Variants in SLCO1C1 observed in about 807,000 individuals in gnomAD.
The protein encoded by SLCO1C1 is OAT-RP-5.
A neutral mutation model predicts 76.4 loss-of-function variants in SLCO1C1; 70 were observed. That is an observed-to-expected ratio of 0.92 (90% CI 0.76 to 1.12). The LOEUF (loss-of-function observed/expected upper bound fraction) is 1.12, where lower values mean the gene tolerates loss of function less well. Among genes scored for constraint, SLCO1C1 ranks in the 50% most tolerant of loss-of-function variants. SLCO1C1 has a pLI of 0.00. For missense variants in SLCO1C1, 912 were observed against 823.8 expected, an observed-to-expected ratio of 1.11 and a Z score of -1.31; for synonymous variants, 306 against 286.1, an observed-to-expected ratio of 1.07 and a Z score of -0.70.
At chr12:20,704,664 C>A (rs182583833) in intron 3 of SLCO1C1, among the ~76,000 whole-genome samples, 122 of 151,782 alleles carry the variant, frequency 8.0e-4, no homozygotes, top group African/African-American at 2.7e-3. Context: ...AAAATTACTG[C>A]TTTATTTCCA....
chr12:20,723,293 G>C (rs12820079), intron 9 of SLCO1C1, 39 bp downstream of exon 9: 525,369 of 1,589,016 alleles, frequency 0.33, 90,175 homozygotes, highest in African/African-American at 0.41. Context: ...CAGAGGGACT[G>C]TCTTAGAGGT....
intron 12 of SLCO1C1, among the ~76,000 whole-genome samples, chr12:20,741,422 TATAA>T (rs1948811726): frequency 6.6e-6 from 1 of 152,152 alleles, no homozygotes; most frequent in Admixed American, 6.5e-5. Flanking sequence ...TCTGGTATAT[TATAA>T]ATATTTTTAT....
At chr12:20,720,277 T>G (rs990478669) in intron 7 of SLCO1C1, among the ~76,000 whole-genome samples, 1 of 152,204 alleles carries the variant, frequency 6.6e-6, no homozygotes, top group Admixed American at 6.5e-5. Context: ...CTGATAGAGA[T>G]GTACAAAGAG....
At chr12:20,727,031 G>A (rs778867999) in intron 9 of SLCO1C1, among the ~76,000 whole-genome samples, 1 of 152,090 alleles carries the variant, frequency 6.6e-6, no homozygotes, top group Non-Finnish European at 1.5e-5. Flanking sequence ...TGCTGCAAAG[G>A]GCATGATTTC....
At position 20,723,245 on chromosome 12, in the gene SLCO1C1, T is replaced by G; in HGVS notation, c.1177T>G (p.Phe393Val). ...TGGACAGTCATCCTCCAGGGCCAACTTTGTGATCGGTATGCTCATCTGCCT... is the reference window on the plus strand; with the variant it reads ...TGGACAGTCATCCTCCAGGGCCAACGTTGTGATCGGTATGCTCATCTGCCT... ...QYGQSSSRAN[F>V]VIGLINIPAV... The change falls in exon 9 of 15, where the codon TTT becomes GTT. Residue 393 changes from phenylalanine (F) to valine (V), a missense_variant. By Grantham distance (50) the Phe-to-Val change is conservative (BLOSUM62 -1). Coordinates refer to ENST00000266509, the MANE Select transcript of SLCO1C1 (RefSeq NM_017435.5). The G allele has an allele frequency of 6.2e-7, 1 of 1,613,746 alleles. No homozygotes were observed. The highest frequency in any genetic ancestry group is 1.3e-5 in the African/African-American group (1 of 75,020).
intron 5 of SLCO1C1, 75 bp from the exon 6 acceptor site, chr12:20,715,064 C>T (rs373651516): frequency 8.2e-5 from 127 of 1,546,464 alleles, no homozygotes; most frequent in African/African-American, 5.3e-4. Flanking sequence ...TTAAGATATA[C>T]GGTAGAAATG....
intron 4 of SLCO1C1, among the ~76,000 whole-genome samples, chr12:20,707,830 A>G (rs1396763014): frequency 6.6e-6 from 1 of 152,204 alleles, no homozygotes; most frequent in East Asian, 1.9e-4. Flanking sequence ...AGAGAAAAAA[A>G]AATGTATTAA....
chr12:20,737,355 A>G (rs1948599592), intron 11 of SLCO1C1, 83 bp downstream of exon 11: 2 of 1,383,260 alleles, frequency 1.4e-6, no homozygotes. Context: ...ACAGCAGACC[A>G]CTACTAGTAG....
chr12:20,740,099 C>T (rs1295865756), intron 11 of SLCO1C1, 85 bp from the exon 12 acceptor site: 10 of 1,280,990 alleles, frequency 7.8e-6, no homozygotes, highest in African/African-American at 1.5e-5. Flanking sequence ...TAATGCATGG[C>T]TACGGTAAAC....
rs144285413 is a variant in SLCO1C1, at chr12:20,723,234, C to T, written c.1166C>T (p.Ser389Phe). The T allele has an allele frequency of 7.2e-3, 11,597 of 1,613,790 alleles. 93 individuals carry two copies. The highest frequency in any genetic ancestry group is 6.9e-3 in the Non-Finnish European group (8,186 of 1,179,902). ...YIEQQYGQSS[S>F]RANFVIGLIN... ...GAGCAGCAGTATGGACAGTCATCCTCCAGGGCCAACTTTGTGATCGGTATG... is the reference window on the plus strand; with the variant it reads ...GAGCAGCAGTATGGACAGTCATCCTTCAGGGCCAACTTTGTGATCGGTATG... The change falls in exon 9 of 15, where the codon TCC becomes TTC. Residue 389 changes from serine to phenylalanine, a missense_variant. Physicochemically the swap from Ser to Phe is radical, Grantham distance 155. Coordinates refer to ENST00000266509, the MANE Select transcript of SLCO1C1 (RefSeq NM_017435.5).
chr12:20,742,426 C>T (rs1399931), intron 12 of SLCO1C1, among the ~76,000 whole-genome samples: 128,449 of 151,932 alleles, frequency 0.85, 55,019 homozygotes, highest in South Asian at 0.96. Flanking sequence ...TAGTTATATA[C>T]ATCATTATGA....
At chr12:20,701,193 G>A in intron 2 of SLCO1C1, 125 bp from the exon 3 acceptor site, 2 of 963,298 alleles carry the variant, frequency 2.1e-6, no homozygotes, top group Non-Finnish European at 2.8e-6. Context: ...AAGTTTCAGT[G>A]ATAATAAAGT....
chr12:20,733,004 T>C lies in SLCO1C1; in HGVS notation c.1282T>C (p.Tyr428His). The change falls in exon 10 of 15, where the codon TAC (tyrosine) becomes CAC (histidine). Residue 428 changes from tyrosine to histidine, a missense_variant. Transcript: ENST00000266509. ...RISVCGAAKL[Y>H]LGSSVFGYLL... ...CAGTGTGTGTGGAGCTGCAAAACTC[T>C]ACTTGGGATCATCTGTCTTTGGTTA... The C allele has an allele frequency of 1.2e-5, 19 of 1,613,894 alleles. No homozygotes were observed. The highest frequency in any genetic ancestry group is 1.5e-5 in the Non-Finnish European group (18 of 1,179,908).
intron 9 of SLCO1C1, 66 bp downstream of exon 9, chr12:20,723,320 A>G (rs1947776376): frequency 2.6e-6 from 4 of 1,540,286 alleles, no homozygotes; most frequent in Non-Finnish European, 3.5e-6. Flanking sequence ...TTAACTCGGG[A>G]ATCTTCGAGA....
intron 4 of SLCO1C1, among the ~76,000 whole-genome samples, chr12:20,709,262 G>A (rs1226388764): frequency 6.6e-6 from 1 of 152,056 alleles, no homozygotes; most frequent in African/African-American, 2.4e-5. Flanking sequence ...CACATCCATA[G>A]CTCTCATTTT....
intron 14 of SLCO1C1, 121 bp downstream of exon 14, chr12:20,750,913 C>T: frequency 1.9e-6 from 3 of 1,578,048 alleles, no homozygotes; most frequent in Non-Finnish European, 2.6e-6. Flanking sequence ...ATAGTCTAAT[C>T]AAAAAGTGTG....
intron 11 of SLCO1C1, among the ~76,000 whole-genome samples, chr12:20,738,272 C>A (rs1185565786): frequency 6.6e-6 from 1 of 152,118 alleles, no homozygotes; most frequent in Non-Finnish European, 1.5e-5. Context: ...AACAGATTCA[C>A]CCTTCTCAGC....
chr12:20,736,288 G>C (rs1336156125), intron 10 of SLCO1C1, among the ~76,000 whole-genome samples: 1 of 144,422 alleles, frequency 6.9e-6, no homozygotes, highest in African/African-American at 2.4e-5. Flanking sequence ...AAGGAGAAAA[G>C]AAAGAATGCA....
chr12:20,723,086 A>G lies in SLCO1C1; in HGVS notation c.1022-4A>G, dbSNP rs1362458489. ...AATTAGTCTATGTTATTTTTGTTTTACAGATTTTCTTCCATCACTGAAGAA... is the reference window on the plus strand; with the variant it reads ...AATTAGTCTATGTTATTTTTGTTTTGCAGATTTTCTTCCATCACTGAAGAA... On this transcript the variant is annotated splice_region_variant and splice_polypyrimidine_tract_variant and intron_variant, in intron 8 of 14. Coordinates refer to ENST00000266509, the MANE Select transcript of SLCO1C1 (RefSeq NM_017435.5). 1 of 1,601,510 alleles carries G rather than the reference A, an allele frequency of 6.2e-7. No homozygotes were observed. Among genetic ancestry groups the G allele is most frequent in the South Asian group, 1.1e-5 (1 of 88,848 alleles).
Sources: gnomAD v4.1 joint callset for allele counts (sites outside exome capture counted in the v4.1 genomes callset) on GRCh38, gnomAD v4.1.1 for gene constraint, MANE v1.5 for transcripts, NCBI Gene and HGNC (gene_info 2026-07-23, HGNC 2026-07-21) for gene names.